Variants in ADAM12 observed in about 807,000 individuals in gnomAD.
ADAM12 encodes the protein ADAM metallopeptidase domain 12.
In ADAM12, 70 loss-of-function variants were observed where a neutral mutation model predicts 106.4. The observed-to-expected ratio is 0.66, with a 90% confidence interval of 0.54 to 0.80. The LOEUF is 0.80. Among genes scored for constraint, ADAM12 ranks in the 30% least tolerant of loss-of-function variants. The pLI is 0.00. For synonymous variants in ADAM12, 420 were observed against 433.5 expected (o/e 0.97, Z 0.39); for missense variants, 1,010 against 1,171.9 (o/e 0.86, Z 2.02).
At chr10:126,279,923 G>A (rs1462102363) in intron 2 of ADAM12, among the ~76,000 whole-genome samples, 3 of 152,128 alleles carry the variant, frequency 2.0e-5, no homozygotes, top group East Asian at 1.9e-4. Flanking sequence ...CGCTGACTTC[G>A]TCTGCCTTTG....
At chr10:126,077,869 C>A (rs1003697360) in intron 11 of ADAM12, among the ~76,000 whole-genome samples, 1 of 152,152 alleles carries the variant, frequency 6.6e-6, no homozygotes, top group African/African-American at 2.4e-5. Context: ...CCTCATCTCC[C>A]TTTTGCTGCT....
intron 5 of ADAM12, among the ~76,000 whole-genome samples, chr10:126,131,782 T>C (rs915294102): frequency 3.9e-5 from 6 of 152,328 alleles, no homozygotes; most frequent in Admixed American, 3.3e-4. Context: ...AACCAGTCTA[T>C]GGTATTTTGC....
intron 3 of ADAM12, among the ~76,000 whole-genome samples, chr10:126,206,855 G>A (rs12571431): frequency 0.034 from 985 of 28,928 alleles, 63 homozygotes; most frequent in East Asian, 0.2. Flanking sequence ...CATGTGTTGT[G>A]GGGGCGGGGG....
intron 1 of ADAM12, among the ~76,000 whole-genome samples, chr10:126,371,957 C>T (rs577697988): frequency 1.4e-4 from 22 of 152,240 alleles, no homozygotes; most frequent in African/African-American, 5.3e-4. Context: ...AAACTGGTGA[C>T]CATTTTGTGT....
intron 8 of ADAM12, among the ~76,000 whole-genome samples, chr10:126,107,371 C>A (rs1019943669): frequency 2.0e-5 from 3 of 152,166 alleles, no homozygotes; most frequent in Non-Finnish European, 4.4e-5. Context: ...CCCTACACAG[C>A]CTTGACGTTC....
At chr10:126,272,404 AG>A (rs1196903053) in intron 3 of ADAM12, among the ~76,000 whole-genome samples, 14 of 152,244 alleles carry the variant, frequency 9.2e-5, no homozygotes, top group African/African-American at 3.4e-4. Flanking sequence ...TGACATCAGA[AG>A]AGCTGACAAT....
In ADAM12 at chr10:126,044,278, T is replaced by TAA. The variant is rs11380035; in HGVS notation, c.1996-1132_1996-1131dup. 7.7e-4 allele frequency among the ~76,000 whole-genome samples: 106 copies of TAA among 137,998 alleles called. 1 individual carries two copies. Among genetic ancestry groups the TAA allele is most frequent in the Non-Finnish European group, 6.6e-4 (42 of 63,646 alleles). The allele number at this position is 137,998 out of a possible 152,430, so 90.5% of individuals were successfully genotyped here. ...TGGTGAAACCCTGTCTTTATAAAGA[T>TAA]AAAAAAAAAAAAAGTTAAAAAAAAT... On this transcript the variant is annotated intron_variant, in intron 17 of 22. Transcript: ENST00000448723.
intron 21 of ADAM12, among the ~76,000 whole-genome samples, chr10:126,025,784 A>G (rs1196277391): frequency 1.3e-5 from 2 of 152,248 alleles, no homozygotes; most frequent in Non-Finnish European, 2.9e-5. Flanking sequence ...AGACAGGCCA[A>G]CATTCAAATT....
chr10:126,121,122 GTATATATACTATATAC>G (rs1299487602), intron 5 of ADAM12, among the ~76,000 whole-genome samples: 2 of 29,598 alleles, frequency 6.8e-5, no homozygotes, highest in South Asian at 8.3e-4. Flanking sequence ...TATATATATA[GTATATATACTATATAC>G]TATATATACT....
chr10:126,246,704 T>G (rs1296709636), intron 3 of ADAM12, among the ~76,000 whole-genome samples: 1 of 152,184 alleles, frequency 6.6e-6, no homozygotes, highest in South Asian at 2.1e-4. Flanking sequence ...TTAAAAACTT[T>G]CAATAAACTA....
At chr10:126,038,212 C>T in intron 20 of ADAM12, 29 bp downstream of exon 20, 1 of 1,562,920 alleles carries the variant, frequency 6.4e-7, no homozygotes, top group Non-Finnish European at 8.7e-7. Flanking sequence ...CATGTGTGCC[C>T]TGAGCACTCA....
At position 126,284,773 on chromosome 10, in the gene ADAM12, C is replaced by G. The variant is rs150904937; in HGVS notation, c.187-5785G>C. Among the ~76,000 whole-genome samples, 402 of 152,254 alleles carry G rather than the reference C, an allele frequency of 2.6e-3. 1 individual carries two copies. Among genetic ancestry groups the G allele is most frequent in the African/African-American group, 9.3e-3 (386 of 41,542 alleles). The stretch of plus-strand genomic sequence containing the variant: ...TCTTCTCTGCAGCTGCTTTTGTGAT[C>G]TTTTTTCTTCCATGTTTGGCAGTGT... On this transcript the variant is annotated intron_variant, in intron 2 of 22. Transcript: ENST00000448723.
intron 2 of ADAM12, among the ~76,000 whole-genome samples, chr10:126,304,312 A>AGAAGGAAGGGAG (rs1960748949): frequency 7.3e-6 from 1 of 137,224 alleles, no homozygotes; most frequent in Non-Finnish European, 1.6e-5. Flanking sequence ...AAGGAAGGAA[A>AGAAGGAAGGGAG]GAAGGAAGGG....
At chr10:126,364,490 T>C (rs1476200061) in intron 1 of ADAM12, among the ~76,000 whole-genome samples, 1 of 152,156 alleles carries the variant, frequency 6.6e-6, no homozygotes, top group African/African-American at 2.4e-5. Flanking sequence ...AATGTGTGTA[T>C]ATAAACTAAT....
At chr10:126,304,773 A>T (rs1254677814) in intron 2 of ADAM12, among the ~76,000 whole-genome samples, 1 of 151,906 alleles carries the variant, frequency 6.6e-6, no homozygotes, top group Non-Finnish European at 1.5e-5. Flanking sequence ...AAAAATGGGT[A>T]AAAAAAATCT....
Position 126,339,787 on chromosome 10 carries a change from G to A in ADAM12, c.89-9278C>T, listed in dbSNP as rs1341637540. On this transcript the variant is annotated intron_variant, in intron 1 of 22. Coordinates refer to ENST00000448723, the MANE Select transcript of ADAM12 (RefSeq NM_001288973.2). Reference sequence around the variant, plus strand: ...TGGTAGACAAGGCTCAGACTGTGGCGGGCCTTTCAAGGCAGGGAAATTAAA... The same window carrying A: ...TGGTAGACAAGGCTCAGACTGTGGCAGGCCTTTCAAGGCAGGGAAATTAAA... Among the ~76,000 whole-genome samples, 9 of 151,932 alleles carry A rather than the reference G, an allele frequency of 5.9e-5. No homozygotes were observed. In the East Asian group the frequency reaches 1.3e-3, roughly 23 times the overall value.
At chr10:126,118,839 A>G (rs911589151) in intron 5 of ADAM12, among the ~76,000 whole-genome samples, 2 of 152,268 alleles carry the variant, frequency 1.3e-5, no homozygotes, top group South Asian at 4.1e-4. Flanking sequence ...CTTACTTCCC[A>G]CTTAGAAGTC....
intron 9 of ADAM12, 50 bp downstream of exon 9, chr10:126,101,022 C>T (rs369039993): frequency 5.8e-5 from 93 of 1,596,910 alleles, no homozygotes; most frequent in African/African-American, 8.1e-5. Flanking sequence ...CGAAGGGCTT[C>T]GCCGAGAGCA....
chr10:126,091,943 G>T (rs1437640766), intron 11 of ADAM12, among the ~76,000 whole-genome samples: 1 of 152,058 alleles, frequency 6.6e-6, no homozygotes, highest in African/African-American at 2.4e-5. Flanking sequence ...GTGGATGGGT[G>T]GATGGATAGA....
Sources: gnomAD v4.1 joint callset for allele counts (sites outside exome capture counted in the v4.1 genomes callset) on GRCh38, gnomAD v4.1.1 for gene constraint, MANE v1.5 for transcripts, NCBI Gene and HGNC (gene_info 2026-07-23, HGNC 2026-07-21) for gene names.